Variants in C12orf43 observed in about 807,000 individuals in gnomAD.
C12orf43 encodes the protein chromosome 12 open reading frame 43, also known as protein CUSTOS.
C12orf43 carries 15 observed loss-of-function variants against 20.6 expected under a neutral mutation model. The observed-to-expected ratio is 0.73, with a 90% CI of 0.49 to 1.12. C12orf43 has a LOEUF of 1.12. Among genes scored for constraint, C12orf43 ranks in the 50% most tolerant of loss-of-function variants. The probability of loss-of-function intolerance (pLI) is 0.00; values close to 1 mark genes in which losing one functional copy is unlikely to be tolerated. For missense variants in C12orf43, 334 were observed against 344.4 expected (o/e 0.97, Z 0.24); for synonymous variants, 144 against 130.8 (o/e 1.10, Z -0.69).
rs200032332 is a variant in C12orf43 at position 121,005,915 on chromosome 12, T to TA, written c.361+405dup. 7,307 of 170,850 alleles carry TA rather than the reference T, an allele frequency of 0.043. 187 individuals are homozygous for TA. The highest frequency in any genetic ancestry group is 0.099 in the South Asian group (709 of 7,148). The allele number at this position is 170,850 out of a possible 1,614,324, so 10.6% of individuals were successfully genotyped here. On this transcript the variant is annotated intron_variant, in intron 4 of 5. Transcript: ENST00000288757. This position sits in a 1 kb window ranked among gnomAD's most constrained non-coding sequence, Gnocchi z 5.6. The stretch of plus-strand genomic sequence containing the variant: ...GGGCAACATGACAGAACCCTGTCTC[T>TA]AAAAAAAAATACAAAAATTAGCCAG...
intron 3 of C12orf43, chr12:121,007,309 A>C (rs2135871554): frequency 6.6e-6 from 1 of 152,314 alleles, no homozygotes; most frequent in Non-Finnish European, 1.5e-5. Context: ...CAACATCACA[A>C]CTAGGAAATG....
At chr12:121,013,971 T>C (rs1025970635) in intron 1 of C12orf43, among the ~76,000 whole-genome samples, 2 of 152,198 alleles carry the variant, frequency 1.3e-5, no homozygotes, top group African/African-American at 4.8e-5. Context: ...AAATACAAAG[T>C]GTTTAGAACA....
intron 4 of C12orf43, 181 bp downstream of exon 4, chr12:121,006,140 C>T (rs143819062): frequency 3.8e-4 from 210 of 553,280 alleles, no homozygotes; most frequent in East Asian, 1.8e-3. Context: ...TGCTTGGGTC[C>T]GGGAGGTTGA....
rs781221995 is a variant in C12orf43 at position 121,016,380 on chromosome 12, G to T, written c.95C>A (p.Pro32Gln). ...CGGGCGTTGCTCCAAGCCCCAAGCC[G>T]GCATTGCCGCCTCGCGGCACCGCTC... ...ELERCREAAMPAWGLEQRPHV... is the reference protein window; with the variant it reads ...ELERCREAAMQAWGLEQRPHV... Residue 32 changes from proline to glutamine, a missense_variant, in exon 1 of 6, where the codon CCG becomes CAG. Coordinates refer to ENST00000288757, the MANE Select transcript of C12orf43 (RefSeq NM_022895.3). 1 of 1,613,910 alleles carries T rather than the reference G, an allele frequency of 6.2e-7. No individual in the cohort carries two copies. The highest frequency in any genetic ancestry group is 1.1e-5 in the South Asian group (1 of 91,090).
intron 4 of C12orf43, 190 bp downstream of exon 4, chr12:121,006,131 G>A: frequency 1.9e-6 from 1 of 538,014 alleles, no homozygotes; most frequent in Non-Finnish European, 3.3e-6. Flanking sequence ...TGGGAGGACT[G>A]CTTGGGTCCG....
At chr12:121,007,462 A>G (rs1878109573) in intron 3 of C12orf43, among the ~76,000 whole-genome samples, 1 of 152,202 alleles carries the variant, frequency 6.6e-6, no homozygotes, top group Non-Finnish European at 1.5e-5. Flanking sequence ...AGTGGGAACG[A>G]TGAAGGTCCC....
At chr12:121,016,249 C>G in intron 1 of C12orf43, 81 bp downstream of exon 1, 1 of 1,600,524 alleles carries the variant, frequency 6.2e-7, no homozygotes, top group Non-Finnish European at 8.5e-7. Flanking sequence ...CCCAGTGACT[C>G]TCTCCTCACC....
chr12:121,013,217 G>A (rs1380501396), intron 1 of C12orf43, among the ~76,000 whole-genome samples: 2 of 152,218 alleles, frequency 1.3e-5, no homozygotes, highest in Non-Finnish European at 2.9e-5. Flanking sequence ...TGGATGGACA[G>A]TCTTTAAAGA....
At chr12:121,009,673 G>A (rs1878297402) in intron 3 of C12orf43, among the ~76,000 whole-genome samples, 1 of 152,202 alleles carries the variant, frequency 6.6e-6, no homozygotes, top group Non-Finnish European at 1.5e-5. Context: ...GAATCTGCTG[G>A]TGCCTTGATC....
chr12:121,011,181 G>A, intron 1 of C12orf43, 35 bp from the exon 2 acceptor site: 1 of 1,600,760 alleles, frequency 6.2e-7, no homozygotes, highest in Non-Finnish European at 8.6e-7. Flanking sequence ...ATTTATAGAG[G>A]AAACAATGAC....
rs1877929363 is a variant in C12orf43, at chr12:121,005,431, A to T, written c.362-338T>A. Among the ~76,000 whole-genome samples the T allele has an allele frequency of 6.6e-6, 1 of 152,132 alleles. No individual in the cohort carries two copies. The highest frequency in any genetic ancestry group is 1.9e-4 in the East Asian group (1 of 5,188). On this transcript the variant is annotated intron_variant, in intron 4 of 5. Coordinates refer to ENST00000288757, the MANE Select transcript of C12orf43 (RefSeq NM_022895.3). The surrounding 1 kb of genome is among the most constrained non-coding windows in gnomAD (Gnocchi z 5.6). ...CCTGGTCCAGAGGCAAAGACCCAGG[A>T]ATCAGTCGTCTAACTACAAAGTGAT...
Position 121,002,166 on chromosome 12 carries a change from CAGG to C in C12orf43, c.*1984_*1986del, listed in dbSNP as rs781456869. The C allele has an allele frequency of 1.1e-4, 52 of 490,708 alleles. No homozygotes were observed. The highest frequency in any genetic ancestry group is 4.5e-4 in the Admixed American group (17 of 37,470). 30.4% of individuals were successfully genotyped at this position (490,708 alleles called of 1,614,324 possible). A position where few individuals can be genotyped will look rare whatever the true frequency, so the allele number is the denominator to read the frequency against. ...GGGGAACTGGCCAAGCTGAGGTGCCCAGGAGAAGAAAGAGGTGACCCCAGGGCA... is the reference window on the plus strand; with the variant it reads ...GGGGAACTGGCCAAGCTGAGGTGCCCAGAAGAAAGAGGTGACCCCAGGGCA... On this transcript the variant is annotated 3_prime_UTR_variant, in exon 6 of 6. Transcript: ENST00000288757.
Position 121,003,053 on chromosome 12 carries a change from G to T in C12orf43, c.*1100C>A, listed in dbSNP as rs1433161832. On this transcript the variant is annotated 3_prime_UTR_variant, in exon 6 of 6. Transcript: ENST00000288757. Reference sequence around the variant, plus strand: ...TTTCTTTTTTTTTTTTTGAGATAGGGTCTTGCTCCATTGCTTAGGCTAGAG... The same window carrying T: ...TTTCTTTTTTTTTTTTTGAGATAGGTTCTTGCTCCATTGCTTAGGCTAGAG... The T allele has an allele frequency of 6.8e-6, 1 of 147,320 alleles. No individual in the cohort carries two copies. The highest frequency in any genetic ancestry group is 6.9e-5 in the Admixed American group (1 of 14,524). The allele number at this position is 147,320 out of a possible 1,614,324, so 9.1% of individuals were successfully genotyped here.
intron 1 of C12orf43, among the ~76,000 whole-genome samples, chr12:121,015,831 A>G (rs973339667): frequency 3.9e-5 from 6 of 152,248 alleles, no homozygotes; most frequent in African/African-American, 1.4e-4. Flanking sequence ...GCAAAGATGC[A>G]ACATGTTTTC....
intron 1 of C12orf43, among the ~76,000 whole-genome samples, chr12:121,014,523 G>GGGA (rs1868705051): frequency 1.3e-5 from 2 of 149,608 alleles, no homozygotes; most frequent in African/African-American, 4.9e-5. Flanking sequence ...CCAGCTACTA[G>GGGA]GGAGGCTGAG....
Position 121,016,452 on chromosome 12 carries a change from A to C in C12orf43, c.23T>G (p.Val8Gly). Residue 8 changes from valine to glycine, a missense_variant, in exon 1 of 6, where the codon GTG becomes GGG. Coordinates refer to ENST00000288757, the MANE Select transcript of C12orf43 (RefSeq NM_022895.3). ...GCTGTTACTACTTTCCGAATCGCTC[A>C]CTGTGCCACTGGGCGCCGCCATCTT... MAAPSGT[V>G]SDSESSNSSS... The C allele has an allele frequency of 3.1e-6, 5 of 1,614,076 alleles. No individual in the cohort carries two copies. The highest frequency in any genetic ancestry group is 4.2e-6 in the Non-Finnish European group (5 of 1,180,018).
At chr12:121,015,134 T>C (rs1868784892) in intron 1 of C12orf43, among the ~76,000 whole-genome samples, 1 of 152,232 alleles carries the variant, frequency 6.6e-6, no homozygotes, top group Non-Finnish European at 1.5e-5. Context: ...CTACCCGCAC[T>C]GTACAGATGA....
rs1877399028 is a variant in C12orf43, at chr12:121,000,710, G to C, written c.*3443C>G. ...TAATCTCCTTCACTCAAAGCCAACTGATTGTGGCATTAACCACATCTACAA... is the reference window on the plus strand; with the variant it reads ...TAATCTCCTTCACTCAAAGCCAACTCATTGTGGCATTAACCACATCTACAA... On this transcript the variant is annotated 3_prime_UTR_variant, in exon 6 of 6. Coordinates refer to ENST00000288757, the MANE Select transcript of C12orf43 (RefSeq NM_022895.3). 2.8e-6 allele frequency: 1 copy of C among 353,890 alleles called. No individual in the cohort carries two copies. The highest frequency in any genetic ancestry group is 3.9e-5 in the Admixed American group (1 of 25,736). 21.9% of individuals were successfully genotyped at this position (353,890 alleles called of 1,614,324 possible).
intron 3 of C12orf43, among the ~76,000 whole-genome samples, chr12:121,009,349 A>G (rs1312808854): frequency 6.6e-6 from 1 of 152,150 alleles, no homozygotes; most frequent in Non-Finnish European, 1.5e-5. Context: ...CCAGCTACTC[A>G]GGAGGCTGAG....
Sources: gnomAD v4.1 joint callset for allele counts (sites outside exome capture counted in the v4.1 genomes callset) on GRCh38, gnomAD v4.1.1 for gene constraint, Gnocchi (gnomAD v3.1) non-coding constraint, MANE v1.5 for transcripts, NCBI Gene and HGNC (gene_info 2026-07-23, HGNC 2026-07-21) for gene names.